The following UNC45B variants were observed in gnomAD, a reference collection of about 807,000 sequenced individuals.
UNC45B encodes the protein protein unc-45 homolog B.
UNC45B carries 78 observed loss-of-function variants against 98.7 expected under a neutral mutation model. The observed-to-expected ratio is 0.79, with a 90% CI of 0.66 to 0.95. The LOEUF (loss-of-function observed/expected upper bound fraction) is 0.95, where lower values mean the gene tolerates loss of function less well. UNC45B is among the 40% of genes least tolerant of loss of function. UNC45B has a pLI of 0.00. For missense variants in UNC45B, 1,225 were observed against 1,184.9 expected (o/e 1.03, Z -0.50); for synonymous variants, 462 against 480.4 (o/e 0.96, Z 0.50).
At position 35,149,374 on chromosome 17, in the gene UNC45B, T is replaced by TTTG. The variant is rs960354688; in HGVS notation, c.205+380_205+382dup. ...TTCTGATTAAGCTGCCTGGCTGTCT[T>TTTG]TTGTTGTTGTTGTTGTTTGTTTTGT... On this transcript the variant is annotated intron_variant, in intron 3 of 19. Transcript: ENST00000394570. Among the ~76,000 whole-genome samples, 13 of 152,204 alleles carry TTTG rather than the reference T, an allele frequency of 8.5e-5. No homozygotes were observed. The South Asian group carries it at 1.5e-3, about 17-fold the overall frequency.
chr17:35,178,695 C>G (rs1448006972), intron 17 of UNC45B, among the ~76,000 whole-genome samples: 2 of 152,014 alleles, frequency 1.3e-5, no homozygotes, highest in African/African-American at 4.8e-5. Context: ...GTCTTTAATC[C>G]ATCTTGAGTT....
At chr17:35,178,481 T>C (rs1228742016) in intron 17 of UNC45B, among the ~76,000 whole-genome samples, 1 of 152,230 alleles carries the variant, frequency 6.6e-6, no homozygotes, top group East Asian at 1.9e-4. Flanking sequence ...TCTCCCATTC[T>C]GTAGGTTGCC....
In UNC45B at chr17:35,183,597, TG is replaced by T; in HGVS notation, c.2529+19del. ...TGACTCAAGTGGTAAGAGCTGGCCC[TG>T]GGGATAGGACGGGCTGGGTGGCTCC... On this transcript the variant is annotated intron_variant, in intron 19 of 19. Coordinates refer to ENST00000394570, the MANE Select transcript of UNC45B (RefSeq NM_001267052.2). 6.6e-7 allele frequency: 1 copy of T among 1,518,886 alleles called. No homozygotes were observed. Among genetic ancestry groups the T allele is most frequent in the Non-Finnish European group, 8.9e-7 (1 of 1,129,626 alleles). The allele number at this position is 1,518,886 out of a possible 1,614,324, so 94.1% of individuals were successfully genotyped here. A position where few individuals can be genotyped will look rare whatever the true frequency, so the allele number is the denominator to read the frequency against.
chr17:35,149,011 T>G lies in UNC45B; in HGVS notation c.205+2T>G. On this transcript the variant is annotated splice_donor_variant, in intron 3 of 19. Coordinates refer to ENST00000394570, the MANE Select transcript of UNC45B (RefSeq NM_001267052.2). LOFTEE classifies it high-confidence loss of function. ...AGGCAGCTTCAGATGCCTCCAGAGG[T>G]GAGCCCCTCCCACCTCCAAGCTTGC... 1 of 1,613,936 alleles carries G rather than the reference T, an allele frequency of 6.2e-7. No homozygotes were observed. Among genetic ancestry groups the G allele is most frequent in the Non-Finnish European group, 8.5e-7 (1 of 1,179,936 alleles).
chr17:35,171,246 G>C, intron 12 of UNC45B, 76 bp from the exon 13 acceptor site: 1 of 1,569,506 alleles, frequency 6.4e-7, no homozygotes, highest in Non-Finnish European at 8.7e-7. Flanking sequence ...GGCCACGTGA[G>C]GGAGCATCCT....
chr17:35,149,011 T>C lies in UNC45B; in HGVS notation c.205+2T>C. On this transcript the variant is annotated splice_donor_variant, in intron 3 of 19. Transcript: ENST00000394570. LOFTEE classifies it high-confidence loss of function. ...AGGCAGCTTCAGATGCCTCCAGAGG[T>C]GAGCCCCTCCCACCTCCAAGCTTGC... 6.2e-7 allele frequency: 1 copy of C among 1,613,936 alleles called. No individual in the cohort carries two copies. Among genetic ancestry groups the C allele is most frequent in the Non-Finnish European group, 8.5e-7 (1 of 1,179,936 alleles).
intron 10 of UNC45B, among the ~76,000 whole-genome samples, chr17:35,169,255 G>T (rs1237247012): frequency 1.3e-5 from 2 of 151,962 alleles, no homozygotes; most frequent in South Asian, 2.1e-4. Context: ...GGCCAGGCTG[G>T]TCTCAAACTC....
In UNC45B at chr17:35,170,215, A is replaced by G. The variant is rs1170301312; in HGVS notation, c.1649A>G (p.Gln550Arg). 29 of 1,613,482 alleles carry G rather than the reference A, an allele frequency of 1.8e-5. No individual in the cohort carries two copies. The highest frequency in any genetic ancestry group is 2.4e-5 in the Non-Finnish European group (28 of 1,179,688). ...LDADVKDDFV[Q>R]DVPALQAMFE... The stretch of plus-strand genomic sequence containing the variant: ...GCTGATGTGAAGGACGACTTTGTCC[A>G]GGACGTCCCTGCCCTGCAGGCCATG... Residue 550 changes from glutamine to arginine, a missense_variant, in exon 12 of 20, where the codon CAG (glutamine) becomes CGG (arginine). Transcript: ENST00000394570.
rs1042389138 is a variant in UNC45B, at chr17:35,176,119, C to T, written c.2025+85C>T. ...GAATTATGTACCCTCTGCCCCAACT[C>T]GACCTCCTGGAATACGGCCACCAGT... On this transcript the variant is annotated intron_variant, in intron 15 of 19. Transcript: ENST00000394570. The T allele has an allele frequency of 8.7e-6, 12 of 1,383,490 alleles. No individual in the cohort carries two copies. The South Asian group carries it at 1.2e-4, about 14-fold the overall frequency. 85.7% of individuals were successfully genotyped at this position (1,383,490 alleles called of 1,614,324 possible).
intron 14 of UNC45B, among the ~76,000 whole-genome samples, chr17:35,175,055 GGA>G (rs2092219499): frequency 8.9e-6 from 1 of 111,734 alleles, no homozygotes; most frequent in Non-Finnish European, 1.8e-5. Flanking sequence ...AAGAAAGAAA[GGA>G]AAGAAGAAAG....
intron 18 of UNC45B, among the ~76,000 whole-genome samples, chr17:35,182,768 T>G (rs1416383312): frequency 6.6e-6 from 1 of 152,124 alleles, no homozygotes; most frequent in East Asian, 1.9e-4. Flanking sequence ...GGTCCCCTTT[T>G]GGAGTTCCAC....
chr17:35,183,378 G>C, intron 18 of UNC45B, 49 bp from the exon 19 acceptor site: 1 of 1,465,264 alleles, frequency 6.8e-7, no homozygotes, highest in Non-Finnish European at 9.1e-7. Context: ...TCTTCAGGCT[G>C]GGCAGATTGG....
chr17:35,165,182 T>C (rs1187433067), intron 9 of UNC45B, among the ~76,000 whole-genome samples: 1 of 152,182 alleles, frequency 6.6e-6, no homozygotes, highest in Non-Finnish European at 1.5e-5. Context: ...ATTTTATACC[T>C]ACCACTGGCT....
At chr17:35,177,939 G>A (rs913527651) in intron 17 of UNC45B, among the ~76,000 whole-genome samples, 8 of 143,810 alleles carry the variant, frequency 5.6e-5, no homozygotes, top group African/African-American at 1.3e-4. Flanking sequence ...TTGCTCTGTC[G>A]CCCAGGCTGG....
At chr17:35,154,833 A>G (rs1447356911) in intron 6 of UNC45B, 92 bp downstream of exon 6, 21 of 1,352,394 alleles carry the variant, frequency 1.6e-5, no homozygotes, top group East Asian at 8.0e-5. Context: ...GCTGGCATCA[A>G]TGGAACCAGA....
chr17:35,177,707 A>G, intron 17 of UNC45B, 97 bp downstream of exon 17: 1 of 956,874 alleles, frequency 1.0e-6, no homozygotes, highest in Non-Finnish European at 1.6e-6. Flanking sequence ...TTCTCTGAAG[A>G]CAACACAAAG....
In UNC45B at chr17:35,150,027, TC is replaced by T. The variant is rs1323146338; in HGVS notation, c.206-16del. ...GTAGTCTGGCTCCCTAAGGTCCTCA[TC>T]CCCCGTCTCCCCTCGATAGCCATCG... On this transcript the variant is annotated intron_variant, in intron 3 of 19. Coordinates refer to ENST00000394570, the MANE Select transcript of UNC45B (RefSeq NM_001267052.2). 2 of 1,571,732 alleles carry T rather than the reference TC, an allele frequency of 1.3e-6. No individual in the cohort carries two copies. Among genetic ancestry groups the T allele is most frequent in the Non-Finnish European group, 8.6e-7 (1 of 1,158,190 alleles).
intron 7 of UNC45B, among the ~76,000 whole-genome samples, chr17:35,158,151 C>T (rs1237439815): frequency 6.6e-6 from 1 of 152,242 alleles, no homozygotes; most frequent in East Asian, 1.9e-4. Flanking sequence ...ATTGGGATTA[C>T]AGGCCACTGC....
rs2092044307 is a variant in UNC45B, at chr17:35,154,568, C to T, written c.472-6C>T. On this transcript the variant is annotated splice_region_variant and splice_polypyrimidine_tract_variant and intron_variant, in intron 5 of 19. Transcript: ENST00000394570. ...TCGTAACCCTTATTGCCTCTTCCTCCTTCAGGCTGCCAACAATCTCATTGT... is the reference window on the plus strand; with the variant it reads ...TCGTAACCCTTATTGCCTCTTCCTCTTTCAGGCTGCCAACAATCTCATTGT... The T allele has an allele frequency of 6.2e-7, 1 of 1,612,134 alleles. No individual in the cohort carries two copies. Among genetic ancestry groups the T allele is most frequent in the South Asian group, 1.1e-5 (1 of 90,606 alleles).
Sources: gnomAD v4.1 joint callset for allele counts (sites outside exome capture counted in the v4.1 genomes callset) on GRCh38, gnomAD v4.1.1 for gene constraint, MANE v1.5 for transcripts, NCBI Gene and HGNC (gene_info 2026-07-23, HGNC 2026-07-21) for gene names.